The following CDH10 variants were observed in gnomAD, a reference collection of about 807,000 sequenced individuals.
CDH10 encodes cadherin-10.
In CDH10, 30 loss-of-function variants were observed where a neutral mutation model predicts 73.1. The ratio of observed to expected loss-of-function variants is 0.41; its 90% confidence interval spans 0.31 to 0.56. CDH10 has a LOEUF of 0.56. Ranked by LOEUF, CDH10 falls within the 20% of genes least tolerant of loss-of-function variation. The pLI, the probability that CDH10 is intolerant of heterozygous loss-of-function variation, is 0.27. For synonymous variants in CDH10, 345 were observed against 348.2 expected (o/e 0.99, Z 0.10); for missense variants, 815 against 973.7 (o/e 0.84, Z 2.17).
chr5:24,615,873 C>T (rs1747109030), intron 1 of CDH10, among the ~76,000 whole-genome samples: 1 of 152,100 alleles, frequency 6.6e-6, no homozygotes, highest in East Asian at 1.9e-4. Flanking sequence ...TGTGATCAAC[C>T]TTAGTAGGTG....
At position 24,487,665 on chromosome 5, in the gene CDH10, AAG is replaced by A. The variant is rs1336256302; in HGVS notation, c.2363_2364del (p.Ser788LeufsTer3). 2 of 1,609,886 alleles carry A rather than the reference AAG, an allele frequency of 1.2e-6. No homozygotes were observed. Among genetic ancestry groups the A allele is most frequent in the Middle Eastern group, 1.7e-4 (1 of 6,046 alleles). ...TTGAACAGAACATATATCCTACGTT[AAG>A]AGTCTTTGTCACTTTCCCCACCACC... ...MYGGGESDKD[S>X] is the part of the protein sequence containing the mutation. On this transcript the variant is annotated frameshift_variant, in exon 12 of 12. Transcript: ENST00000264463. LOFTEE classifies it high-confidence loss of function.
At chr5:24,547,044 G>C (rs1744369720) in intron 2 of CDH10, among the ~76,000 whole-genome samples, 1 of 152,128 alleles carries the variant, frequency 6.6e-6, no homozygotes. Flanking sequence ...GAAAAAGATT[G>C]GGCTGTAAGA....
intron 2 of CDH10, among the ~76,000 whole-genome samples, chr5:24,577,759 C>T (rs564155315): frequency 5.8e-4 from 88 of 152,146 alleles, no homozygotes; most frequent in South Asian, 1.7e-3. Flanking sequence ...GGCTATAGGA[C>T]GGCCATGCTC....
chr5:24,515,667 A>G (rs918860117), intron 5 of CDH10, among the ~76,000 whole-genome samples: 1 of 152,138 alleles, frequency 6.6e-6, no homozygotes, highest in Admixed American at 6.5e-5. Flanking sequence ...TTTGACTGTC[A>G]TGTCTCCTCA....
At chr5:24,621,982 G>A (rs913396678) in intron 1 of CDH10, among the ~76,000 whole-genome samples, 5 of 152,138 alleles carry the variant, frequency 3.3e-5, no homozygotes, top group Admixed American at 6.5e-5. Flanking sequence ...AAGAAGATGA[G>A]GTTAGAGAGG....
intron 1 of CDH10, among the ~76,000 whole-genome samples, chr5:24,643,156 T>G (rs866359604): frequency 6.6e-6 from 1 of 152,116 alleles, no homozygotes; most frequent in African/African-American, 2.4e-5. Context: ...ATTGAATACA[T>G]ATGTGCCACA....
intron 1 of CDH10, among the ~76,000 whole-genome samples, chr5:24,625,038 G>C (rs17462007): frequency 0.079 from 11,970 of 152,082 alleles, 544 homozygotes; most frequent in Middle Eastern, 0.12. Context: ...ATTATACTAG[G>C]TCTTAGGGCA....
intron 2 of CDH10, among the ~76,000 whole-genome samples, chr5:24,588,515 A>G (rs1746094265): frequency 6.6e-6 from 1 of 152,136 alleles, no homozygotes; most frequent in Non-Finnish European, 1.5e-5. Flanking sequence ...TAATGCAAAG[A>G]TTTTCCACTT....
chr5:24,575,352 CAACAAAAAAAA>C (rs1745561332), intron 2 of CDH10, among the ~76,000 whole-genome samples: 1 of 47,202 alleles, frequency 2.1e-5, no homozygotes. Context: ...ACAACAAAAA[CAACAAAAAAAA>C]AAAAAAAAAA....
intron 1 of CDH10, among the ~76,000 whole-genome samples, chr5:24,628,747 T>C (rs1747594615): frequency 1.3e-5 from 2 of 152,038 alleles, no homozygotes; most frequent in Admixed American, 1.3e-4. Context: ...GGTTGGTGTC[T>C]TAGTAACCAA....
intron 2 of CDH10, among the ~76,000 whole-genome samples, chr5:24,573,787 T>C (rs1203080250): frequency 6.7e-6 from 1 of 148,504 alleles, no homozygotes; most frequent in Non-Finnish European, 1.5e-5. Context: ...TTATATCTTG[T>C]ATATATTCAT....
intron 2 of CDH10, among the ~76,000 whole-genome samples, chr5:24,561,621 G>C (rs1273998015): frequency 6.6e-6 from 1 of 152,006 alleles, no homozygotes; most frequent in Non-Finnish European, 1.5e-5. Flanking sequence ...AGGTTAAAAT[G>C]AAAGAATTAG....
chr5:24,558,558 A>G (rs1449375332), intron 2 of CDH10, among the ~76,000 whole-genome samples: 1 of 151,742 alleles, frequency 6.6e-6, no homozygotes, highest in Non-Finnish European at 1.5e-5. Context: ...TACTTTATAT[A>G]GAATACTGCA....
At position 24,576,363 on chromosome 5, in the gene CDH10, G is replaced by A. The variant is rs114628474; in HGVS notation, c.231+16897C>T. Among the ~76,000 whole-genome samples the A allele has an allele frequency of 1.7e-3, 257 of 152,084 alleles. 2 individuals carry two copies. Among genetic ancestry groups the A allele is most frequent in the African/African-American group, 5.9e-3 (245 of 41,448 alleles). On this transcript the variant is annotated intron_variant, in intron 2 of 11. Transcript: ENST00000264463. ...GATTGTTTTTTCAACTTAGAGCCAC[G>A]TGCTTTAGAAGATTATTATGTAACT...
chr5:24,585,707 A>G (rs1340564596), intron 2 of CDH10, among the ~76,000 whole-genome samples: 2 of 152,202 alleles, frequency 1.3e-5, no homozygotes, highest in Non-Finnish European at 1.5e-5. Flanking sequence ...GACAGGCATG[A>G]GCCACCGCTC....
intron 2 of CDH10, among the ~76,000 whole-genome samples, chr5:24,569,333 G>A (rs1247457335): frequency 6.6e-6 from 1 of 152,038 alleles, no homozygotes; most frequent in Non-Finnish European, 1.5e-5. Flanking sequence ...GCACAATGCT[G>A]TAAATTAATA....
chr5:24,635,238 G>A (rs892839718), intron 1 of CDH10, among the ~76,000 whole-genome samples: 5 of 151,832 alleles, frequency 3.3e-5, no homozygotes, highest in African/African-American at 7.2e-5. Flanking sequence ...GTATCAAAAC[G>A]TTAATGGAAT....
intron 2 of CDH10, among the ~76,000 whole-genome samples, chr5:24,551,304 G>A (rs188090200): frequency 1.3e-5 from 2 of 151,948 alleles, no homozygotes; most frequent in Admixed American, 1.3e-4. Flanking sequence ...ATTCCCTCTT[G>A]TTTCACTTGC....
chr5:24,545,875 G>T (rs1172831018), intron 2 of CDH10, among the ~76,000 whole-genome samples: 1 of 152,140 alleles, frequency 6.6e-6, no homozygotes, highest in African/African-American at 2.4e-5. Flanking sequence ...AGAAGTGATA[G>T]AAATTCAAAG....
Sources: allele counts gnomAD v4.1 joint callset (sites outside exome capture counted in the v4.1 genomes callset), GRCh38; gene constraint gnomAD v4.1.1; transcripts MANE v1.5; gene names NCBI Gene and HGNC (gene_info 2026-07-23, HGNC 2026-07-21).